Variants in GEMIN2 observed in about 807,000 individuals in gnomAD.
GEMIN2 encodes gem-associated protein 2.
Under a neutral mutation model 45.8 loss-of-function variants are expected in GEMIN2, and 37 were observed. That is an observed-to-expected ratio of 0.81 (90% CI 0.62 to 1.06). The LOEUF is 1.06. GEMIN2 is among the 50% of genes least tolerant of loss of function. The pLI is 0.00. For missense variants in GEMIN2, 335 were observed against 321.8 expected, an observed-to-expected ratio of 1.04 and a Z score of -0.31; for synonymous variants, 101 against 111.5, an observed-to-expected ratio of 0.91 and a Z score of 0.60.
At chr14:39,132,828 G>A (rs917504359) in intron 8 of GEMIN2, among the ~76,000 whole-genome samples, 4 of 150,544 alleles carry the variant, frequency 2.7e-5, no homozygotes, top group South Asian at 2.1e-4. Context: ...ACAGGTGCCC[G>A]CCACCATGCC....
At chr14:39,126,260 G>A (rs2052640079) in intron 6 of GEMIN2, among the ~76,000 whole-genome samples, 1 of 149,506 alleles carries the variant, frequency 6.7e-6, no homozygotes, top group South Asian at 2.1e-4. Flanking sequence ...GCTCACTGCA[G>A]TCTTGTACTT....
chr14:39,126,387 C>G lies in GEMIN2; in HGVS notation c.531+1351C>G, dbSNP rs191602987. ...TAGAGACAAGGTCTCACTGTGTTGT[C>G]CAGGCTGGTCTGGAACTCCTGAGCT... On this transcript the variant is annotated intron_variant, in intron 6 of 9. Transcript: ENST00000308317. 7.4e-4 allele frequency among the ~76,000 whole-genome samples: 113 copies of G among 152,036 alleles called. 1 individual carries two copies. Among genetic ancestry groups the G allele is most frequent in the African/African-American group, 2.6e-3 (106 of 41,488 alleles).
Position 39,118,529 on chromosome 14 carries a change from TCTTC to T in GEMIN2, c.313-7_313-4del. 7.5e-7 allele frequency: 1 copy of T among 1,325,756 alleles called. No individual in the cohort carries two copies. The highest frequency in any genetic ancestry group is 1.1e-6 in the Non-Finnish European group (1 of 917,970). The allele number at this position is 1,325,756 out of a possible 1,614,324, so 82.1% of individuals were successfully genotyped here. A position where few individuals can be genotyped will look rare whatever the true frequency, so the allele number is the denominator to read the frequency against. ...AGAGTACCATCTAATGTCTAAGTTT[TCTTC>T]CTTTAGAATGTGAACAAACATAGAA... On this transcript the variant is annotated splice_polypyrimidine_tract_variant and splice_region_variant and intron_variant, in intron 3 of 9. Transcript: ENST00000308317.
intron 4 of GEMIN2, among the ~76,000 whole-genome samples, chr14:39,119,012 G>A (rs2052546318): frequency 6.6e-6 from 1 of 152,036 alleles, no homozygotes; most frequent in African/African-American, 2.4e-5. Context: ...CTGGGCTCAA[G>A]TGATCCTCCT....
Position 39,122,517 on chromosome 14 carries a change from GAAAGT to G in GEMIN2, c.461_465del (p.Glu154AlafsTer15). ...CGGGGCTGTTGGACCAGCCACAAAT[GAAAGT>G]CCTGGAATAGATTATGTACAAGTAA... On this transcript the variant is annotated frameshift_variant, in exon 5 of 10. Coordinates refer to ENST00000308317, the MANE Select transcript of GEMIN2 (RefSeq NM_003616.3). LOFTEE classifies it high-confidence loss of function. 1.3e-6 allele frequency: 2 copies of G among 1,586,262 alleles called. No individual in the cohort carries two copies. Among genetic ancestry groups the G allele is most frequent in the Non-Finnish European group, 1.7e-6 (2 of 1,156,344 alleles).
intron 5 of GEMIN2, among the ~76,000 whole-genome samples, chr14:39,124,208 A>G (rs2139343719): frequency 6.6e-6 from 1 of 152,318 alleles, no homozygotes; most frequent in East Asian, 1.9e-4. Flanking sequence ...CATAATTAGC[A>G]ATCACAGCCT....
rs1343135017 is a variant in GEMIN2, at chr14:39,124,126, T to TA, written c.487-858dup. Among the ~76,000 whole-genome samples the TA allele has an allele frequency of 5.9e-5, 9 of 151,970 alleles. No individual in the cohort carries two copies. The South Asian group carries it at 6.2e-4, about 11-fold the overall frequency. ...TACATACAAGTAAAATACACCATGT[T>TA]AAAAAAAACCCTTAAGGAAGTAAGC... On this transcript the variant is annotated intron_variant, in intron 5 of 9. Transcript: ENST00000308317.
chr14:39,123,322 T>C (rs747823898), intron 5 of GEMIN2, among the ~76,000 whole-genome samples: 2 of 152,064 alleles, frequency 1.3e-5, no homozygotes, highest in African/African-American at 2.4e-5. Flanking sequence ...CCTAAAAATG[T>C]AAAAAGCCCC....
chr14:39,132,160 A>C (rs1471724900), intron 8 of GEMIN2, 92 bp downstream of exon 8: 3 of 708,594 alleles, frequency 4.2e-6, no homozygotes, highest in Non-Finnish European at 7.7e-6. Context: ...AACACATGGA[A>C]TATTTTATTG....
intron 9 of GEMIN2, among the ~76,000 whole-genome samples, chr14:39,135,052 C>CA (rs2052765772): frequency 6.6e-6 from 1 of 152,132 alleles, no homozygotes; most frequent in Non-Finnish European, 1.5e-5. Context: ...GATAATGACA[C>CA]AGATTCAGAA....
Position 39,118,567 on chromosome 14 carries a change from A to G in GEMIN2, c.340A>G (p.Lys114Glu). The G allele has an allele frequency of 6.6e-7, 1 of 1,507,796 alleles. No individual in the cohort carries two copies. The highest frequency in any genetic ancestry group is 9.2e-7 in the Non-Finnish European group (1 of 1,083,714). The allele number at this position is 1,507,796 out of a possible 1,614,324, so 93.4% of individuals were successfully genotyped here. ...TGTGAACAAACATAGAAGTCACTGG[A>G]AATCACAACAGTTGGATAGTAATGT... The part of the protein sequence containing the change: ...QNVNKHRSHW[K>E]SQQLDSNVTM... Residue 114 changes from lysine (K) to glutamate (E), a missense_variant, in exon 4 of 10, where the codon AAA becomes GAA. Coordinates refer to ENST00000308317, the MANE Select transcript of GEMIN2 (RefSeq NM_003616.3).
chr14:39,125,524 C>T (rs565071134), intron 6 of GEMIN2, among the ~76,000 whole-genome samples: 2 of 151,872 alleles, frequency 1.3e-5, no homozygotes, highest in East Asian at 3.9e-4. Context: ...ACGTTGGTCT[C>T]GAACTCCTGG....
chr14:39,132,600 T>C (rs2052731493), intron 8 of GEMIN2, among the ~76,000 whole-genome samples: 3 of 151,724 alleles, frequency 2.0e-5, no homozygotes, highest in Admixed American at 2.0e-4. Context: ...CTTTGAGTTT[T>C]GTCATATGTG....
chr14:39,118,140 T>C, intron 3 of GEMIN2, 52 bp downstream of exon 3: 1 of 930,198 alleles, frequency 1.1e-6, no homozygotes, highest in East Asian at 2.6e-5. Flanking sequence ...ATTTCTGTTC[T>C]TAGACTGTAG....
At chr14:39,132,975 G>GGTGTGTGT (rs67749459) in intron 8 of GEMIN2, among the ~76,000 whole-genome samples, 1 of 140,260 alleles carries the variant, frequency 7.1e-6, no homozygotes, top group African/African-American at 2.7e-5. Context: ...TACTGCACCT[G>GGTGTGTGT]GTGTGTGTGT....
rs548060266 is a variant in GEMIN2 at position 39,114,742 on chromosome 14, G to A, written c.138-87G>A. On this transcript the variant is annotated intron_variant, in intron 1 of 9. Transcript: ENST00000308317. ...CTGAATTTTTTTCTGATTTCACAAT[G>A]AACTGTGGAAGTGGATCGCTTGTTT... 5.1e-6 allele frequency: 4 copies of A among 790,406 alleles called. No homozygotes were observed. In the East Asian group the frequency reaches 9.9e-5, roughly 20 times the overall value. 49.0% of individuals were successfully genotyped at this position (790,406 alleles called of 1,614,324 possible). A position where few individuals can be genotyped will look rare whatever the true frequency, so the allele number is the denominator to read the frequency against.
Position 39,136,809 on chromosome 14 carries a change from C to T in GEMIN2, c.*330C>T. On this transcript the variant is annotated 3_prime_UTR_variant, in exon 10 of 10. Transcript: ENST00000308317. ...TTGTTTTTTGTTGTTTTGTTATTTA[C>T]TTATATACATATAAAATTTTATTGA... is the stretch of plus-strand genomic sequence containing the variant. 5.0e-6 allele frequency: 1 copy of T among 199,034 alleles called. No homozygotes were observed. The highest frequency in any genetic ancestry group is 1.0e-5 in the Non-Finnish European group (1 of 99,576). 12.3% of individuals were successfully genotyped at this position (199,034 alleles called of 1,614,324 possible).
rs768167672 is a variant in GEMIN2 at position 39,133,619 on chromosome 14, T to C, written c.712-42T>C. The C allele has an allele frequency of 1.6e-5, 17 of 1,059,966 alleles. No individual in the cohort carries two copies. In the Admixed American group the frequency reaches 3.9e-4, roughly 24 times the overall value. 65.7% of individuals were successfully genotyped at this position (1,059,966 alleles called of 1,614,324 possible). On this transcript the variant is annotated intron_variant, in intron 8 of 9. Coordinates refer to ENST00000308317, the MANE Select transcript of GEMIN2 (RefSeq NM_003616.3). ...AATAGAAAATTTATTTCAAAAGTAA[T>C]AGGAACAGACAATATTTAAATTTTT...
In GEMIN2 at chr14:39,128,480, CTTTTCTTTTTTTT is replaced by C. The variant is rs1332456407; in HGVS notation, c.600+137_600+149del. On this transcript the variant is annotated intron_variant, in intron 7 of 9. Coordinates refer to ENST00000308317, the MANE Select transcript of GEMIN2 (RefSeq NM_003616.3). ...TTTTTACTGCACATTTTCTTTTTTT[CTTTTCTTTTTTTT>C]TTTTTTTTTTTTTTTGAGACAAGGT... 28 of 235,606 alleles carry C rather than the reference CTTTTCTTTTTTTT, an allele frequency of 1.2e-4. 1 individual carries two copies. Among genetic ancestry groups the C allele is most frequent in the African/African-American group, 1.1e-3 (27 of 23,718 alleles). 14.6% of individuals were successfully genotyped at this position (235,606 alleles called of 1,614,324 possible). A position where few individuals can be genotyped will look rare whatever the true frequency, so the allele number is the denominator to read the frequency against.
Sources: gnomAD v4.1 joint callset for allele counts (sites outside exome capture counted in the v4.1 genomes callset) on GRCh38, gnomAD v4.1.1 for gene constraint, MANE v1.5 for transcripts, NCBI Gene and HGNC (gene_info 2026-07-23, HGNC 2026-07-21) for gene names.